Variants in ECPAS observed in about 807,000 individuals in gnomAD.
ECPAS encodes the protein proteasome adapter and scaffold protein ECM29.
ECPAS carries 70 observed loss-of-function variants against 255.1 expected under a neutral mutation model. The observed-to-expected ratio is 0.27, with a 90% CI of 0.23 to 0.33. The LOEUF (loss-of-function observed/expected upper bound fraction) is 0.33. Among genes scored for constraint, ECPAS ranks in the 10% least tolerant of loss-of-function variants. ECPAS has a pLI of 1.00. For missense variants in ECPAS, 1,817 were observed against 2,206.4 expected, an observed-to-expected ratio of 0.82 and a Z score of 3.54; for synonymous variants, 784 against 775.0, an observed-to-expected ratio of 1.01 and a Z score of -0.19.
intron 28 of ECPAS, among the ~76,000 whole-genome samples, chr9:111,392,195 G>A (rs747591686): frequency 1.1e-4 from 16 of 152,018 alleles, no homozygotes; most frequent in Non-Finnish European, 1.5e-4. Flanking sequence ...AGCTGACATC[G>A]TGCCACTGCA....
chr9:111,466,616 T>TACACACACACAC (rs55763374), intron 2 of ECPAS, among the ~76,000 whole-genome samples: 80 of 143,502 alleles, frequency 5.6e-4, no homozygotes, highest in East Asian at 2.5e-3. Context: ...AATAACTAAA[T>TACACACACACAC]ACACACACAC....
Position 111,372,511 on chromosome 9 carries a change from G to A in ECPAS, c.4446C>T (p.Gly1482=), listed in dbSNP as rs766106413. The A allele has an allele frequency of 3.1e-6, 5 of 1,613,786 alleles. No individual in the cohort carries two copies. Among genetic ancestry groups the A allele is most frequent in the Non-Finnish European group, 4.2e-6 (5 of 1,179,772 alleles). Residue 1482 remains glycine (G), a synonymous_variant, in exon 42 of 50, where the codon GGC becomes GGT. Transcript: ENST00000684092. ...TCTCCTCATCAGCAATTTCATGCAT[G>A]CCTAAAAATGCCAGAGGCAGGACTT... ...AKEVLPLAFL[G]MHEIADEEKS... is the part of the protein sequence containing the mutation.
intron 1 of ECPAS, chr9:111,483,652 C>T (rs1039290821): frequency 5.9e-5 from 12 of 201,780 alleles, no homozygotes; most frequent in Admixed American, 2.7e-4. Flanking sequence ...TCACTCGGCG[C>T]GGACCGCGCT....
intron 7 of ECPAS, among the ~76,000 whole-genome samples, chr9:111,435,349 CTG>C (rs1223523598): frequency 6.6e-6 from 1 of 152,182 alleles, no homozygotes; most frequent in Non-Finnish European, 1.5e-5. Flanking sequence ...TGAAACTAAA[CTG>C]TTCGTTTCAG....
chr9:111,431,002 T>C (rs1409290372), intron 8 of ECPAS, among the ~76,000 whole-genome samples: 1 of 152,142 alleles, frequency 6.6e-6, no homozygotes, highest in Non-Finnish European at 1.5e-5. Flanking sequence ...TGGGGCAGGG[T>C]AGGATTCGTC....
intron 24 of ECPAS, among the ~76,000 whole-genome samples, chr9:111,398,301 C>A (rs2098170544): frequency 1.3e-5 from 2 of 152,172 alleles, no homozygotes; most frequent in African/African-American, 4.8e-5. Flanking sequence ...GGTATTTCAA[C>A]ATAATCCTTA....
Position 111,372,731 on chromosome 9 carries a change from T to C in ECPAS, c.4337-111A>G, listed in dbSNP as rs188667090. ...TAGCAAAACAAACAGGTAAAATCAA[T>C]TAGAAATGTTTCTAGCAGGCTGGGT... On this transcript the variant is annotated intron_variant, in intron 41 of 49. Coordinates refer to ENST00000684092, the MANE Select transcript of ECPAS (RefSeq NM_001364929.1). 5.8e-6 allele frequency: 5 copies of C among 861,794 alleles called. No individual in the cohort carries two copies. In the East Asian group the frequency reaches 1.4e-4, roughly 23 times the overall value. The allele number at this position is 861,794 out of a possible 1,614,324, so 53.4% of individuals were successfully genotyped here. A position where few individuals can be genotyped will look rare whatever the true frequency, so the allele number is the denominator to read the frequency against.
At chr9:111,482,319 A>C (rs570318553) in intron 1 of ECPAS, among the ~76,000 whole-genome samples, 1 of 152,312 alleles carries the variant, frequency 6.6e-6, no homozygotes, top group African/African-American at 2.4e-5. Context: ...CTCCTGCTCC[A>C]CCAGTTCTGT....
At chr9:111,408,890 G>T (rs185310367) in intron 23 of ECPAS, among the ~76,000 whole-genome samples, 1 of 152,186 alleles carries the variant, frequency 6.6e-6, no homozygotes, top group African/African-American at 2.4e-5. Flanking sequence ...AGCTGCAAAA[G>T]AAGAAGGAAG....
intron 23 of ECPAS, among the ~76,000 whole-genome samples, 153 bp downstream of exon 23, chr9:111,409,888 T>G (rs1212406228): frequency 6.6e-6 from 1 of 152,214 alleles, no homozygotes; most frequent in Non-Finnish European, 1.5e-5. Context: ...AGCTCAAAAG[T>G]AAACACTTAA....
intron 7 of ECPAS, among the ~76,000 whole-genome samples, chr9:111,434,140 A>G (rs1471126050): frequency 6.6e-6 from 1 of 152,236 alleles, no homozygotes; most frequent in Non-Finnish European, 1.5e-5. Context: ...TAAAGTTTAC[A>G]ATTATTAAAT....
At chr9:111,436,882 C>G in intron 7 of ECPAS, 58 bp downstream of exon 7, 2 of 1,426,784 alleles carry the variant, frequency 1.4e-6, no homozygotes, top group Non-Finnish European at 1.9e-6. Flanking sequence ...GGTTCATGAA[C>G]TTCATAGGGG....
At position 111,393,663 on chromosome 9, in the gene ECPAS, A is replaced by G; in HGVS notation, c.2977+17T>C. On this transcript the variant is annotated intron_variant, in intron 27 of 49. Coordinates refer to ENST00000684092, the MANE Select transcript of ECPAS (RefSeq NM_001364929.1). ...ACAAGTTCAATTAAGTTTAGAAATCAAATATTAACAACCTACCATCATTTT... is the reference window on the plus strand; with the variant it reads ...ACAAGTTCAATTAAGTTTAGAAATCGAATATTAACAACCTACCATCATTTT... 6.8e-7 allele frequency: 1 copy of G among 1,475,594 alleles called. No individual in the cohort carries two copies. The highest frequency in any genetic ancestry group is 9.4e-7 in the Non-Finnish European group (1 of 1,061,726). 91.4% of individuals were successfully genotyped at this position (1,475,594 alleles called of 1,614,324 possible).
At position 111,481,120 on chromosome 9, in the gene ECPAS, A is replaced by G. The variant is rs751482999; in HGVS notation, c.-83+2996T>C. ...AGGATGGTTACTACTGACAATATAGATAAGTGTCGGCCAGGATATAGAGAA... is the reference window on the plus strand; with the variant it reads ...AGGATGGTTACTACTGACAATATAGGTAAGTGTCGGCCAGGATATAGAGAA... On this transcript the variant is annotated intron_variant, in intron 1 of 49. Coordinates refer to ENST00000684092, the MANE Select transcript of ECPAS (RefSeq NM_001364929.1). Among the ~76,000 whole-genome samples, 5 of 152,362 alleles carry G rather than the reference A, an allele frequency of 3.3e-5. No homozygotes were observed. In the East Asian group the frequency reaches 5.8e-4, roughly 18 times the overall value.
intron 17 of ECPAS, among the ~76,000 whole-genome samples, chr9:111,417,269 G>C (rs2098205278): frequency 6.6e-6 from 1 of 151,934 alleles, no homozygotes; most frequent in Admixed American, 6.6e-5. Flanking sequence ...TTAAAAAAAG[G>C]AGATGTATTT....
intron 37 of ECPAS, among the ~76,000 whole-genome samples, chr9:111,375,593 C>T (rs940267288): frequency 6.6e-6 from 1 of 152,140 alleles, no homozygotes; most frequent in Non-Finnish European, 1.5e-5. Flanking sequence ...GAGTCAACTT[C>T]TTAGATGACT....
chr9:111,459,845 C>T (rs896561633), intron 2 of ECPAS, among the ~76,000 whole-genome samples: 7 of 152,104 alleles, frequency 4.6e-5, no homozygotes, highest in African/African-American at 1.7e-4. Flanking sequence ...ATGGCAGGAC[C>T]TTATGAATTC....
At chr9:111,461,170 C>A (rs919431206) in intron 2 of ECPAS, among the ~76,000 whole-genome samples, 1 of 151,930 alleles carries the variant, frequency 6.6e-6, no homozygotes, top group African/African-American at 2.4e-5. Context: ...TCAAGGCTAA[C>A]TACAGTAGGC....
intron 24 of ECPAS, among the ~76,000 whole-genome samples, chr9:111,406,468 G>A (rs1457257524): frequency 2.7e-5 from 4 of 149,768 alleles, no homozygotes; most frequent in Non-Finnish European, 5.9e-5. Flanking sequence ...TAGTTAATAA[G>A]AATTTATTGT....
Sources: gnomAD v4.1 joint callset for allele counts (sites outside exome capture counted in the v4.1 genomes callset) on GRCh38, gnomAD v4.1.1 for gene constraint, MANE v1.5 for transcripts, NCBI Gene and HGNC (gene_info 2026-07-23, HGNC 2026-07-21) for gene names.